Variants in EVI5 observed in about 807,000 individuals in gnomAD.
EVI5 encodes the protein ecotropic viral integration site 5 protein homolog.
In EVI5, 73 loss-of-function variants were observed where a neutral mutation model predicts 112.0. The ratio of observed to expected loss-of-function variants is 0.65; its 90% CI spans 0.54 to 0.79. The LOEUF (loss-of-function observed/expected upper bound fraction) is 0.79, where lower values mean the gene tolerates loss of function less well. EVI5 is among the 30% of genes least tolerant of loss of function. The pLI is 0.00. For missense variants in EVI5, 900 were observed against 968.8 expected (o/e 0.93, Z 0.94); for synonymous variants, 305 against 319.9 (o/e 0.95, Z 0.50).
intron 2 of EVI5, among the ~76,000 whole-genome samples, chr1:92,720,582 A>C (rs1279500379): frequency 1.3e-5 from 2 of 152,200 alleles, no homozygotes; most frequent in Admixed American, 6.5e-5. Context: ...CTAGAAGAAA[A>C]CCTAAGCAAT....
intron 1 of EVI5, among the ~76,000 whole-genome samples, chr1:92,737,882 T>C (rs1431904258): frequency 6.6e-6 from 1 of 152,204 alleles, no homozygotes; most frequent in Non-Finnish European, 1.5e-5. Context: ...GGCAAGAGTT[T>C]TATTAAACTC....
chr1:92,547,453 G>C (rs1402129359), intron 19 of EVI5, among the ~76,000 whole-genome samples: 4 of 152,226 alleles, frequency 2.6e-5, no homozygotes, highest in East Asian at 1.9e-4. Flanking sequence ...AGAAGCAAGA[G>C]CAAACACATT....
intron 1 of EVI5, among the ~76,000 whole-genome samples, chr1:92,767,565 G>A (rs1171381833): frequency 1.3e-5 from 2 of 152,190 alleles, no homozygotes; most frequent in East Asian, 3.8e-4. Flanking sequence ...AAAGATACAT[G>A]TGAAAAATCA....
intron 19 of EVI5, among the ~76,000 whole-genome samples, chr1:92,522,689 TC>T (rs1354791108): frequency 6.6e-6 from 1 of 151,674 alleles, no homozygotes; most frequent in African/African-American, 2.4e-5. Flanking sequence ...AGTTCTGGTT[TC>T]CCTACAACTT....
intron 9 of EVI5, among the ~76,000 whole-genome samples, chr1:92,687,170 T>C (rs1668693434): frequency 6.6e-6 from 1 of 152,178 alleles, no homozygotes; most frequent in Admixed American, 6.5e-5. Context: ...CAAAACAGCA[T>C]GGTACTGGTA....
Position 92,636,226 on chromosome 1 carries a change from C to G in EVI5, c.1503G>C (p.Gln501His). The G allele has an allele frequency of 1.2e-6, 2 of 1,613,262 alleles. No individual in the cohort carries two copies. The highest frequency in any genetic ancestry group is 8.5e-7 in the Non-Finnish European group (1 of 1,179,518). The change falls in exon 14 of 20, where the codon CAG (glutamine) becomes CAC (histidine). Residue 501 changes from glutamine to histidine, a missense_variant. Gln to His is a conservative substitution (Grantham distance 24). Transcript: ENST00000684568. ...CCTTCTCTATATCCAAGACTTTATC[C>G]TGCATCTCTTTTAATGCACACTGAG... is the stretch of plus-strand genomic sequence containing the variant. The part of the protein sequence containing the change: ...AESQCALKEM[Q>H]DKVLDIEKRN...
chr1:92,701,647 A>G (rs1261905834), intron 5 of EVI5, among the ~76,000 whole-genome samples: 7 of 152,116 alleles, frequency 4.6e-5, no homozygotes, highest in Non-Finnish European at 8.8e-5. Context: ...TGCACACTCA[A>G]TAACAAAGTT....
At chr1:92,784,613 C>T in intron 1 of EVI5, 3 of 304,954 alleles carry the variant, frequency 9.8e-6, no homozygotes, top group Non-Finnish European at 1.4e-5. Context: ...TTCCCCAGCG[C>T]CCACGAGAAG....
At position 92,737,477 on chromosome 1, in the gene EVI5, T is replaced by C. The variant is rs549742765; in HGVS notation, c.-81-850A>G. 7.9e-5 allele frequency among the ~76,000 whole-genome samples: 12 copies of C among 152,324 alleles called. 1 individual carries two copies. The South Asian group carries it at 1.7e-3, about 21-fold the overall frequency. On this transcript the variant is annotated intron_variant, in intron 1 of 19. Coordinates refer to ENST00000684568, the MANE Select transcript of EVI5 (RefSeq NM_001350197.2). ...TTTCTAAGATTCAACGAATTATACA[T>C]ATGCTCACATATTTGTCATAAACCA...
At chr1:92,630,482 G>C (rs995755268) in intron 14 of EVI5, among the ~76,000 whole-genome samples, 9 of 152,116 alleles carry the variant, frequency 5.9e-5, no homozygotes, top group African/African-American at 2.2e-4. Flanking sequence ...AGAAGTGTCT[G>C]TTCATATCCT....
intron 13 of EVI5, among the ~76,000 whole-genome samples, chr1:92,640,738 C>G (rs1381491884): frequency 6.6e-6 from 1 of 152,106 alleles, no homozygotes; most frequent in Non-Finnish European, 1.5e-5. Flanking sequence ...GGCATATACC[C>G]AAAAGAATAC....
chr1:92,696,575 G>A (rs1482138481), intron 6 of EVI5, among the ~76,000 whole-genome samples: 23 of 151,276 alleles, frequency 1.5e-4, no homozygotes, highest in Admixed American at 1.2e-3. Flanking sequence ...AGGTCAAGGC[G>A]GCAGTGAACT....
At chr1:92,729,495 A>G (rs1676113715) in intron 2 of EVI5, among the ~76,000 whole-genome samples, 1 of 152,198 alleles carries the variant, frequency 6.6e-6, no homozygotes, top group South Asian at 2.1e-4. Context: ...ACAACTTCAT[A>G]TCCATTTCCC....
At chr1:92,652,041 T>G (rs578087522) in intron 13 of EVI5, among the ~76,000 whole-genome samples, 2 of 152,260 alleles carry the variant, frequency 1.3e-5, no homozygotes, top group East Asian at 1.9e-4. Context: ...CAGATACTTA[T>G]AGGGCAATGT....
chr1:92,602,682 C>T (rs1649431944), intron 18 of EVI5, among the ~76,000 whole-genome samples: 1 of 152,198 alleles, frequency 6.6e-6, no homozygotes, highest in African/African-American at 2.4e-5. Context: ...ACTGGGATTA[C>T]AGGCATGAGT....
intron 19 of EVI5, among the ~76,000 whole-genome samples, chr1:92,551,274 G>A (rs1002402329): frequency 5.0e-5 from 2 of 39,826 alleles, no homozygotes; most frequent in Admixed American, 2.9e-4. Flanking sequence ...TGATCCACCC[G>A]CCTCTGCCTT....
intron 1 of EVI5, among the ~76,000 whole-genome samples, chr1:92,775,032 A>G (rs1683922524): frequency 1.3e-5 from 2 of 152,362 alleles, no homozygotes; most frequent in South Asian, 4.1e-4. Context: ...AAAATTCCCC[A>G]TGTCATCTGA....
chr1:92,609,352 A>G (rs543632449), intron 16 of EVI5, among the ~76,000 whole-genome samples: 2 of 152,212 alleles, frequency 1.3e-5, no homozygotes, highest in African/African-American at 2.4e-5. Context: ...ATGTCATGTC[A>G]TGTAATTTCA....
chr1:92,698,254 C>A (rs1335945324), intron 5 of EVI5, among the ~76,000 whole-genome samples: 1 of 152,142 alleles, frequency 6.6e-6, no homozygotes, highest in African/African-American at 2.4e-5. Context: ...TGATTTACAG[C>A]CAGATACTTT....
Sources: allele counts gnomAD v4.1 joint callset (sites outside exome capture counted in the v4.1 genomes callset), GRCh38; gene constraint gnomAD v4.1.1; transcripts MANE v1.5; gene names NCBI Gene and HGNC (gene_info 2026-07-23, HGNC 2026-07-21).